The following EDIL3 variants were observed in gnomAD, a reference collection of about 807,000 sequenced individuals.
EDIL3 encodes the protein EGF-like repeat and discoidin I-like domain-containing protein 3.
In EDIL3, 37 loss-of-function variants were observed where a neutral mutation model predicts 67.4. The ratio of observed to expected loss-of-function variants is 0.55; its 90% CI spans 0.42 to 0.72. The LOEUF is 0.72. EDIL3 is among the 30% of genes least tolerant of loss of function. The pLI is 0.00. For missense variants in EDIL3, 527 were observed against 586.3 expected, an observed-to-expected ratio of 0.90 and a Z score of 1.04; for synonymous variants, 195 against 196.3, an observed-to-expected ratio of 0.99 and a Z score of 0.05.
At chr5:84,114,026 T>G (rs1031068149) in intron 5 of EDIL3, among the ~76,000 whole-genome samples, 1 of 152,192 alleles carries the variant, frequency 6.6e-6, no homozygotes, top group African/African-American at 2.4e-5. Flanking sequence ...CAACAGCCTT[T>G]CTTTTATTCC....
chr5:84,372,740 G>A (rs1747880707), intron 1 of EDIL3, among the ~76,000 whole-genome samples: 1 of 152,106 alleles, frequency 6.6e-6, no homozygotes, highest in African/African-American at 2.4e-5. Flanking sequence ...GTCCTCATCT[G>A]TCAACAGGGA....
intron 3 of EDIL3, among the ~76,000 whole-genome samples, chr5:84,183,875 G>A (rs1580365872): frequency 2.0e-5 from 3 of 152,300 alleles, no homozygotes; most frequent in Middle Eastern, 6.8e-3. Flanking sequence ...GGAGGCAGAG[G>A]TGGGTGGATA....
chr5:84,188,889 C>G (rs1743521200), intron 3 of EDIL3, among the ~76,000 whole-genome samples: 1 of 151,872 alleles, frequency 6.6e-6, no homozygotes, highest in Non-Finnish European at 1.5e-5. Context: ...TTTGATCTAC[C>G]CAGTCTGTGG....
At chr5:84,239,845 A>G (rs998337982) in intron 2 of EDIL3, among the ~76,000 whole-genome samples, 27 of 152,358 alleles carry the variant, frequency 1.8e-4, no homozygotes, top group Admixed American at 1.5e-3. Context: ...GTAGTTGATT[A>G]AAGTCCACAG....
At chr5:84,146,043 A>T (rs1561445064) in intron 4 of EDIL3, among the ~76,000 whole-genome samples, 1 of 152,146 alleles carries the variant, frequency 6.6e-6, no homozygotes, top group Non-Finnish European at 1.5e-5. Context: ...TGTTGCTTGC[A>T]TTCTGTTTAT....
chr5:84,327,682 G>A (rs1303850896), intron 1 of EDIL3, among the ~76,000 whole-genome samples: 3 of 151,886 alleles, frequency 2.0e-5, no homozygotes, highest in Non-Finnish European at 4.4e-5. Context: ...ATTTACATCA[G>A]TTACACACTT....
intron 6 of EDIL3, among the ~76,000 whole-genome samples, chr5:84,089,312 C>T (rs1430476477): frequency 1.3e-5 from 2 of 152,210 alleles, no homozygotes; most frequent in Admixed American, 6.5e-5. Context: ...CAGGATTTTT[C>T]TCCAAGTTAA....
intron 5 of EDIL3, among the ~76,000 whole-genome samples, chr5:84,126,231 C>T (rs886464056): frequency 6.6e-6 from 1 of 152,078 alleles, no homozygotes. Context: ...CAGGACTGGA[C>T]ATTCAATGAA....
intron 6 of EDIL3, among the ~76,000 whole-genome samples, chr5:84,071,475 A>G (rs1366955273): frequency 1.3e-5 from 2 of 152,244 alleles, no homozygotes; most frequent in Non-Finnish European, 2.9e-5. Flanking sequence ...TTTCTGAAAC[A>G]TAAGACAGGA....
At chr5:84,306,017 G>A (rs1746269606) in intron 1 of EDIL3, among the ~76,000 whole-genome samples, 3 of 151,722 alleles carry the variant, frequency 2.0e-5, no homozygotes, top group Admixed American at 6.6e-5. Context: ...ACAAATTCCT[G>A]TTCAGTCTTA....
chr5:84,291,440 G>A (rs1745912190), intron 1 of EDIL3, among the ~76,000 whole-genome samples: 1 of 151,658 alleles, frequency 6.6e-6, no homozygotes. Flanking sequence ...CTTTTAAAAA[G>A]GTACACTAAA....
intron 2 of EDIL3, among the ~76,000 whole-genome samples, chr5:84,242,230 T>G (rs1463386975): frequency 6.7e-6 from 1 of 148,838 alleles, no homozygotes; most frequent in African/African-American, 2.5e-5. Flanking sequence ...AGACTCTGTC[T>G]CAAAAAAAAA....
chr5:84,183,728 C>T (rs1488860783), intron 3 of EDIL3, among the ~76,000 whole-genome samples: 1 of 152,122 alleles, frequency 6.6e-6, no homozygotes, highest in African/African-American at 2.4e-5. Flanking sequence ...CTTCCATGCT[C>T]CTTCACACTT....
intron 3 of EDIL3, among the ~76,000 whole-genome samples, chr5:84,210,095 A>T (rs1467380324): frequency 6.6e-6 from 1 of 152,238 alleles, no homozygotes; most frequent in African/African-American, 2.4e-5. Flanking sequence ...AAATTTAAAT[A>T]GTAATAGTTT....
chr5:84,294,120 ACGCCT>A (rs1306371075), intron 1 of EDIL3, among the ~76,000 whole-genome samples: 2 of 151,052 alleles, frequency 1.3e-5, no homozygotes, highest in Non-Finnish European at 2.9e-5. Context: ...GCGGTGGCTC[ACGCCT>A]GTAATCCCAG....
At chr5:84,073,025 C>T (rs572326966) in intron 6 of EDIL3, among the ~76,000 whole-genome samples, 167 of 152,272 alleles carry the variant, frequency 1.1e-3, no homozygotes, top group Middle Eastern at 3.4e-3. Flanking sequence ...AAGATATCTG[C>T]ATGTCTAGAT....
chr5:83,955,129 T>C (rs1744491918), intron 10 of EDIL3, among the ~76,000 whole-genome samples: 1 of 151,732 alleles, frequency 6.6e-6, no homozygotes, highest in Non-Finnish European at 1.5e-5. Context: ...CTGAGAAATA[T>C]TGTCATTATG....
At chr5:84,360,153 G>A (rs1013012719) in intron 1 of EDIL3, among the ~76,000 whole-genome samples, 1 of 152,102 alleles carries the variant, frequency 6.6e-6, no homozygotes, top group Admixed American at 6.6e-5. Context: ...AGTGGATCAG[G>A]AGAGTTGAAG....
intron 1 of EDIL3, among the ~76,000 whole-genome samples, chr5:84,370,897 T>C (rs974812401): frequency 2.0e-5 from 3 of 152,078 alleles, no homozygotes; most frequent in African/African-American, 7.2e-5. Context: ...AAGATGTATA[T>C]ACCAGCAGAG....
Sources: gnomAD v4.1 joint callset for allele counts (sites outside exome capture counted in the v4.1 genomes callset) on GRCh38, gnomAD v4.1.1 for gene constraint, MANE v1.5 for transcripts, NCBI Gene and HGNC (gene_info 2026-07-23, HGNC 2026-07-21) for gene names.